Variants in MYLK4 observed in about 807,000 individuals in gnomAD.
MYLK4 encodes myosin light chain kinase family member 4.
In MYLK4, 46 loss-of-function variants were observed where a neutral mutation model predicts 48.1. The ratio of observed to expected loss-of-function variants is 0.96; its 90% CI spans 0.75 to 1.22. The LOEUF is 1.22. MYLK4 is among the 50% of genes most tolerant of loss of function. The probability of loss-of-function intolerance (pLI) is 0.00; values close to 1 mark genes in which losing one functional copy is unlikely to be tolerated. For missense variants in MYLK4, 451 were observed against 486.1 expected (o/e 0.93, Z 0.68); for synonymous variants, 170 against 180.8 (o/e 0.94, Z 0.48).
At chr6:2,679,243 G>A (rs1761203547) in intron 9 of MYLK4, 37 bp downstream of exon 9, 1 of 1,611,742 alleles carries the variant, frequency 6.2e-7, no homozygotes, top group Non-Finnish European at 8.5e-7. Context: ...TATGCATGGA[G>A]TTGGAGAAGG....
rs865837822 is a variant in MYLK4, at chr6:2,693,810, T to A, written c.160-951A>T. 1.6e-4 allele frequency among the ~76,000 whole-genome samples: 24 copies of A among 146,140 alleles called. No individual in the cohort carries two copies. The South Asian group carries it at 4.7e-3, about 29-fold the overall frequency. On this transcript the variant is annotated intron_variant, in intron 2 of 12. Coordinates refer to ENST00000274643, the MANE Select transcript of MYLK4 (RefSeq NM_001012418.5). ...TTCGCTCTTGTTGCCCAGGCTGGAG[T>A]GCAATGGCGCAATCTCAGCTCACTG...
intron 2 of MYLK4, among the ~76,000 whole-genome samples, chr6:2,728,952 C>T (rs1763381633): frequency 6.6e-6 from 1 of 152,210 alleles, no homozygotes; most frequent in Admixed American, 6.5e-5. Flanking sequence ...CTGTTGCTAC[C>T]TCCCCATTTT....
At chr6:2,675,343 T>G (rs868156996) in intron 10 of MYLK4, among the ~76,000 whole-genome samples, 1 of 152,180 alleles carries the variant, frequency 6.6e-6, no homozygotes, top group South Asian at 2.1e-4. Context: ...ACAAGGCAAA[T>G]AATAAAAATT....
chr6:2,768,706 A>G, the MYLK4 span: 29 of 1,611,628 alleles, frequency 1.8e-5, no homozygotes, highest in Admixed American at 1.8e-4. Context: ...TCTGGCTCAC[A>G]TCATAGCCAG....
chr6:2,731,764 A>G (rs572766729), intron 2 of MYLK4, among the ~76,000 whole-genome samples: 1 of 152,350 alleles, frequency 6.6e-6, no homozygotes, highest in East Asian at 1.9e-4. Flanking sequence ...TACTGGTAAA[A>G]TGAATCAATG....
At chr6:2,754,677 T>C (rs1246913694), upstream of MYLK4, among the ~76,000 whole-genome samples, 2 of 152,156 alleles carry the variant, frequency 1.3e-5, no homozygotes, top group Non-Finnish European at 2.9e-5. Flanking sequence ...ATAGAGTCAT[T>C]AAGAAAAAGA....
chr6:2,752,940 C>T (rs1424733659), upstream of MYLK4, among the ~76,000 whole-genome samples: 2 of 152,000 alleles, frequency 1.3e-5, no homozygotes, highest in Non-Finnish European at 2.9e-5. Flanking sequence ...CCCTTGACCA[C>T]AAAAAAACAG....
chr6:2,678,462 G>A (rs1761170684), intron 9 of MYLK4, 90 bp from the exon 10 acceptor site: 1 of 1,385,758 alleles, frequency 7.2e-7, no homozygotes, highest in Non-Finnish European at 9.8e-7. Flanking sequence ...CCATTTAAAG[G>A]TGAGAGAAGG....
rs60659144 is a variant in MYLK4, at chr6:2,666,504, T to C, written c.*1421A>G. On this transcript the variant is annotated 3_prime_UTR_variant, in exon 13 of 13. Coordinates refer to ENST00000274643, the MANE Select transcript of MYLK4 (RefSeq NM_001012418.5). ...ATGGGGCCACTGCACTCCAGCCTCG[T>C]GACAGAGCGAGACTCCGTCTAAAAA... is the stretch of plus-strand genomic sequence containing the variant. 57,600 of 151,400 alleles carry C rather than the reference T, an allele frequency of 0.38. 11,242 individuals are homozygous for C. The highest frequency in any genetic ancestry group is 0.4 in the Non-Finnish European group (27,386 of 67,856). 9.4% of individuals were successfully genotyped at this position (151,400 alleles called of 1,614,324 possible).
At chr6:2,677,903 T>C (rs1408299175) in intron 10 of MYLK4, among the ~76,000 whole-genome samples, 4 of 152,184 alleles carry the variant, frequency 2.6e-5, no homozygotes, top group Admixed American at 6.5e-5. Context: ...TACAGCTTAG[T>C]AGAGGTGAAA....
intron 10 of MYLK4, 60 bp from the exon 11 acceptor site, chr6:2,675,185 G>A: frequency 2.4e-6 from 3 of 1,249,334 alleles, no homozygotes; most frequent in Non-Finnish European, 3.5e-6. Flanking sequence ...TGTATCTGCT[G>A]TTCAATCTCA....
At chr6:2,729,167 AC>A (rs1292481972) in intron 2 of MYLK4, among the ~76,000 whole-genome samples, 5 of 152,188 alleles carry the variant, frequency 3.3e-5, no homozygotes, top group Non-Finnish European at 7.3e-5. Context: ...AGCCCCACTT[AC>A]AGGCCATGCC....
At chr6:2,682,887 G>C in intron 7 of MYLK4, 134 bp downstream of exon 7, 1 of 930,006 alleles carries the variant, frequency 1.1e-6, no homozygotes, top group Non-Finnish European at 1.7e-6. Flanking sequence ...AGGAGATGAG[G>C]GTAACAATTC....
intron 2 of MYLK4, among the ~76,000 whole-genome samples, chr6:2,743,037 G>A (rs922256372): frequency 2.0e-5 from 3 of 151,982 alleles, no homozygotes; most frequent in East Asian, 3.9e-4. Flanking sequence ...CTCTTTTTAC[G>A]TATAAAGCAC....
intron 2 of MYLK4, among the ~76,000 whole-genome samples, chr6:2,715,254 C>G (rs1421192719): frequency 2.1e-5 from 1 of 48,396 alleles, no homozygotes; most frequent in Non-Finnish European, 4.3e-5. Flanking sequence ...GAGCAAGACT[C>G]CGTTTCAAAA....
rs1760983805 is a variant in MYLK4, at chr6:2,673,669, A to G, written c.1119+1378T>C. Among the ~76,000 whole-genome samples the G allele has an allele frequency of 6.6e-6, 1 of 152,254 alleles. No homozygotes were observed. The highest frequency in any genetic ancestry group is 2.4e-5 in the African/African-American group (1 of 41,470). On this transcript the variant is annotated intron_variant, in intron 11 of 12. Coordinates refer to ENST00000274643, the MANE Select transcript of MYLK4 (RefSeq NM_001012418.5). The surrounding 1 kb of genome is among the most constrained non-coding windows in gnomAD (Gnocchi z 4.2). ...TGTATATGCATCTTGCCAGTTGAAC[A>G]TCCTAGATGTTCAGTAAAGTTACTT...
At chr6:2,732,628 C>A (rs1193344615) in intron 2 of MYLK4, among the ~76,000 whole-genome samples, 1 of 152,108 alleles carries the variant, frequency 6.6e-6, no homozygotes, top group Non-Finnish European at 1.5e-5. Context: ...AGGAACATCA[C>A]ACTGTGCCTA....
chr6:2,745,339 AT>A (rs1311923915), intron 2 of MYLK4, among the ~76,000 whole-genome samples: 79 of 152,370 alleles, frequency 5.2e-4, no homozygotes, highest in African/African-American at 1.8e-3. Flanking sequence ...CTGTACAAAA[AT>A]AATACTAATT....
At chr6:2,691,589 C>G (rs560715994) in intron 3 of MYLK4, among the ~76,000 whole-genome samples, 15 of 152,260 alleles carry the variant, frequency 9.9e-5, no homozygotes, top group African/African-American at 3.6e-4. Context: ...AGTAGGTAAG[C>G]TTTTTCAGAT....
Sources: allele counts gnomAD v4.1 joint callset (sites outside exome capture counted in the v4.1 genomes callset), GRCh38; gene constraint gnomAD v4.1.1; non-coding constraint Gnocchi (gnomAD v3.1); transcripts MANE v1.5; gene names NCBI Gene and HGNC (gene_info 2026-07-23, HGNC 2026-07-21).